Variants in GPC5 observed in about 807,000 individuals in gnomAD.
GPC5 encodes the protein glypican 5.
A neutral mutation model predicts 53.9 loss-of-function variants in GPC5; 47 were observed. That is an observed-to-expected ratio of 0.87 (90% CI 0.69 to 1.11). The LOEUF (loss-of-function observed/expected upper bound fraction) is 1.11. Ranked by LOEUF, GPC5 falls within the 50% of genes most tolerant of loss-of-function variation. The pLI, the probability that GPC5 is intolerant of heterozygous loss-of-function variation, is 0.00. For missense variants in GPC5, 748 were observed against 713.1 expected, an observed-to-expected ratio of 1.05 and a Z score of -0.56; for synonymous variants, 286 against 263.3, an observed-to-expected ratio of 1.09 and a Z score of -0.84.
intron 7 of GPC5, among the ~76,000 whole-genome samples, chr13:92,522,197 G>A (rs543527812): frequency 6.6e-6 from 1 of 152,156 alleles, no homozygotes; most frequent in Non-Finnish European, 1.5e-5. Context: ...AACCATTGCG[G>A]AAGACAGTGT....
At position 92,497,208 on chromosome 13, in the gene GPC5, G is replaced by T. The variant is rs190726193; in HGVS notation, c.1561+352219G>T. Among the ~76,000 whole-genome samples, 3 of 152,072 alleles carry T rather than the reference G, an allele frequency of 2.0e-5. No individual in the cohort carries two copies. In the East Asian group the frequency reaches 5.8e-4, roughly 29 times the overall value. ...CCTGTGTCCTGATTGCTATTGCCTG[G>T]GTTTTCTTCTAGGGTTTTTATGGCT... On this transcript the variant is annotated intron_variant, in intron 7 of 7. Coordinates refer to ENST00000377067, the MANE Select transcript of GPC5 (RefSeq NM_004466.6).
At chr13:92,714,958 C>T (rs912227080) in intron 7 of GPC5, among the ~76,000 whole-genome samples, 13 of 151,998 alleles carry the variant, frequency 8.6e-5, no homozygotes, top group Admixed American at 2.0e-4. Flanking sequence ...CCCAGCTATT[C>T]GGAAGGCTGA....
chr13:91,510,331 C>T (rs1885169524), intron 2 of GPC5, among the ~76,000 whole-genome samples: 1 of 151,608 alleles, frequency 6.6e-6, no homozygotes, highest in Admixed American at 6.6e-5. Context: ...CTGTTATTTT[C>T]ACATCTACAC....
At chr13:92,572,521 G>A (rs1410444805) in intron 7 of GPC5, among the ~76,000 whole-genome samples, 2 of 152,252 alleles carry the variant, frequency 1.3e-5, no homozygotes, top group East Asian at 1.9e-4. Flanking sequence ...TGTCACAGAA[G>A]CATTTCTGTT....
At chr13:92,362,109 A>C (rs1305772447) in intron 7 of GPC5, among the ~76,000 whole-genome samples, 1 of 151,786 alleles carries the variant, frequency 6.6e-6, no homozygotes, top group East Asian at 1.9e-4. Flanking sequence ...ACAGATAATT[A>C]AACAATATCT....
At chr13:92,842,277 A>G (rs758725704) in intron 7 of GPC5, among the ~76,000 whole-genome samples, 1 of 152,146 alleles carries the variant, frequency 6.6e-6, no homozygotes, top group African/African-American at 2.4e-5. Context: ...TCAGAGGCCA[A>G]GGAATGTATT....
chr13:91,873,958 A>G (rs1486489075), intron 5 of GPC5, among the ~76,000 whole-genome samples: 2 of 152,200 alleles, frequency 1.3e-5, no homozygotes, highest in African/African-American at 4.8e-5. Context: ...CTGGGGTCAC[A>G]GGCATGATCC....
intron 7 of GPC5, among the ~76,000 whole-genome samples, chr13:92,451,996 G>A (rs889256326): frequency 5.9e-5 from 9 of 152,106 alleles, no homozygotes; most frequent in Non-Finnish European, 1.2e-4. Flanking sequence ...TAGGACTAAG[G>A]GGAAAAATAG....
chr13:92,613,325 T>C (rs1351608715), intron 7 of GPC5, among the ~76,000 whole-genome samples: 1 of 99,452 alleles, frequency 1.0e-5, no homozygotes, highest in Non-Finnish European at 1.8e-5. Flanking sequence ...AATAAATATT[T>C]ATATAATATA....
intron 2 of GPC5, among the ~76,000 whole-genome samples, chr13:91,558,177 G>A (rs2031062389): frequency 6.6e-6 from 1 of 152,174 alleles, no homozygotes; most frequent in Admixed American, 6.5e-5. Flanking sequence ...AAGTGAGGCT[G>A]TCAAAACAAT....
Position 92,574,659 on chromosome 13 carries a change from T to G in GPC5, c.1562-291623T>G, listed in dbSNP as rs374740250. ...GTTTCTGTTGTGAATGATTTCATCA[T>G]CAGCAGGTCTTTCTTCTGAGTGGGC... On this transcript the variant is annotated intron_variant, in intron 7 of 7. Coordinates refer to ENST00000377067, the MANE Select transcript of GPC5 (RefSeq NM_004466.6). Among the ~76,000 whole-genome samples, 55 of 152,326 alleles carry G rather than the reference T, an allele frequency of 3.6e-4. 1 individual carries two copies. In the South Asian group the frequency reaches 0.011, roughly 30 times the overall value.
At chr13:91,802,328 G>T (rs1360486176) in intron 5 of GPC5, among the ~76,000 whole-genome samples, 1 of 152,030 alleles carries the variant, frequency 6.6e-6, no homozygotes, top group East Asian at 1.9e-4. Flanking sequence ...TAAAGGTGGC[G>T]CATCAGAGTT....
chr13:92,498,628 G>T (rs921367949), intron 7 of GPC5, among the ~76,000 whole-genome samples: 4 of 152,118 alleles, frequency 2.6e-5, no homozygotes, highest in African/African-American at 9.7e-5. Flanking sequence ...TTCCTGGTTT[G>T]CAGGGCAGAG....
chr13:92,613,402 T>TAAATATGA (rs1491438945), intron 7 of GPC5, among the ~76,000 whole-genome samples: 2 of 80,124 alleles, frequency 2.5e-5, no homozygotes, highest in Admixed American at 2.4e-4. Context: ...TAAATATATA[T>TAAATATGA]TATATTATAT....
At chr13:92,279,516 T>C (rs1594061836) in intron 7 of GPC5, among the ~76,000 whole-genome samples, 1 of 152,054 alleles carries the variant, frequency 6.6e-6, no homozygotes, top group East Asian at 1.9e-4. Flanking sequence ...TTAAGTACAA[T>C]GTTAAATAGT....
intron 2 of GPC5, among the ~76,000 whole-genome samples, chr13:91,490,282 T>C (rs1883870269): frequency 6.6e-6 from 1 of 152,104 alleles, no homozygotes; most frequent in Non-Finnish European, 1.5e-5. Flanking sequence ...GTACTTTTCT[T>C]GAAGGTGAAG....
intron 7 of GPC5, among the ~76,000 whole-genome samples, chr13:92,843,770 G>T (rs1878510139): frequency 6.6e-6 from 1 of 152,076 alleles, no homozygotes; most frequent in South Asian, 2.1e-4. Flanking sequence ...GACTAAATCT[G>T]TCATCGATGT....
At chr13:92,115,588 C>T (rs1458416380) in intron 6 of GPC5, among the ~76,000 whole-genome samples, 2 of 152,144 alleles carry the variant, frequency 1.3e-5, no homozygotes, top group Non-Finnish European at 2.9e-5. Context: ...CCATCAACTT[C>T]CTCTCAGTCC....
At chr13:92,008,123 C>T (rs1451640953) in intron 6 of GPC5, among the ~76,000 whole-genome samples, 4 of 140,082 alleles carry the variant, frequency 2.9e-5, no homozygotes, top group Non-Finnish European at 3.0e-5. Flanking sequence ...AGTGCAGTGG[C>T]GCAATCTCGG....
Sources: gnomAD v4.1 joint callset for allele counts (sites outside exome capture counted in the v4.1 genomes callset) on GRCh38, gnomAD v4.1.1 for gene constraint, MANE v1.5 for transcripts, NCBI Gene and HGNC (gene_info 2026-07-23, HGNC 2026-07-21) for gene names.